NPLOC4: variants seen among roughly 807,000 people sequenced by gnomAD.
The protein encoded by NPLOC4 is NPL4 homolog, ubiquitin recognition factor.
Under a neutral mutation model 80.6 loss-of-function variants are expected in NPLOC4, and 18 were observed. The observed-to-expected ratio is 0.22, with a 90% CI of 0.15 to 0.33. NPLOC4 has a LOEUF of 0.33. Among genes scored for constraint, NPLOC4 ranks in the 10% least tolerant of loss-of-function variants. The pLI is 1.00. For missense variants in NPLOC4, 540 were observed against 786.1 expected, an observed-to-expected ratio of 0.69 and a Z score of 3.74; for synonymous variants, 313 against 301.5, an observed-to-expected ratio of 1.04 and a Z score of -0.39.
At chr17:81,620,535 A>G (rs1027204954) in intron 3 of NPLOC4, among the ~76,000 whole-genome samples, 1 of 152,096 alleles carries the variant, frequency 6.6e-6, no homozygotes, top group African/African-American at 2.4e-5. Flanking sequence ...ACCGGTGATT[A>G]CTGTTAGGGA....
intron 12 of NPLOC4, among the ~76,000 whole-genome samples, chr17:81,576,023 AAACAGAGCAGTTTGGTAAC>A (rs1237956816): frequency 6.6e-6 from 1 of 152,238 alleles, no homozygotes; most frequent in African/African-American, 2.4e-5. Context: ...GGGCTATAGC[AAACAGAGCAGTTTGGTAAC>A]AACAAAGGAA....
chr17:81,582,622 C>T (rs760167324), intron 12 of NPLOC4, among the ~76,000 whole-genome samples: 1 of 152,174 alleles, frequency 6.6e-6, no homozygotes, highest in Non-Finnish European at 1.5e-5. Flanking sequence ...AGACTGGCCT[C>T]GACTTCCTGA....
intron 14 of NPLOC4, among the ~76,000 whole-genome samples, chr17:81,568,483 C>A (rs1395659601): frequency 6.6e-6 from 1 of 152,196 alleles, no homozygotes. Context: ...TGTCTGTTAG[C>A]AAGTTATGAT....
intron 8 of NPLOC4, among the ~76,000 whole-genome samples, chr17:81,600,916 GC>G (rs1353587760): frequency 2.0e-5 from 3 of 152,204 alleles, no homozygotes; most frequent in Non-Finnish European, 4.4e-5. Context: ...TGGCTTCACA[GC>G]TAAGATACTC....
chr17:81,594,502 C>T (rs1273115862), intron 11 of NPLOC4, among the ~76,000 whole-genome samples: 2 of 151,896 alleles, frequency 1.3e-5, no homozygotes, highest in South Asian at 2.1e-4. Context: ...TTAGGCCAGG[C>T]GCAGTGGCTC....
intron 10 of NPLOC4, 21 bp downstream of exon 10, chr17:81,597,224 A>G: frequency 6.2e-7 from 1 of 1,604,772 alleles, no homozygotes; most frequent in Non-Finnish European, 8.5e-7. Context: ...GGCCACACGC[A>G]CAGTCCTGTC....
At chr17:81,621,052 A>G (rs961688678) in intron 3 of NPLOC4, among the ~76,000 whole-genome samples, 1 of 151,892 alleles carries the variant, frequency 6.6e-6, no homozygotes, top group Admixed American at 6.6e-5. Flanking sequence ...AAAGGAAAAG[A>G]AAGGAAGGAA....
chr17:81,629,951 T>A (rs1474933433), intron 1 of NPLOC4, 146 bp from the exon 2 acceptor site: 2 of 628,566 alleles, frequency 3.2e-6, no homozygotes, highest in African/African-American at 1.8e-5. Context: ...CCCAGCTCAA[T>A]CCTTCTAGAA....
At chr17:81,613,990 T>C (rs1260006489) in intron 3 of NPLOC4, among the ~76,000 whole-genome samples, 2 of 151,978 alleles carry the variant, frequency 1.3e-5, no homozygotes, top group Non-Finnish European at 2.9e-5. Flanking sequence ...TTAAAAAGTG[T>C]GACTGGCCAG....
chr17:81,569,953 A>G (rs2034117412), intron 13 of NPLOC4, among the ~76,000 whole-genome samples: 2 of 152,222 alleles, frequency 1.3e-5, no homozygotes, highest in South Asian at 2.1e-4. Context: ...CTGCAACACA[A>G]CAGCAGCAGC....
chr17:81,611,022 A>G (rs2035326644), intron 4 of NPLOC4, among the ~76,000 whole-genome samples: 1 of 152,132 alleles, frequency 6.6e-6, no homozygotes, highest in African/African-American at 2.4e-5. Context: ...CTCAAAGTCA[A>G]TGTAAGTAGT....
intron 11 of NPLOC4, among the ~76,000 whole-genome samples, chr17:81,593,138 T>A (rs185507330): frequency 6.6e-6 from 1 of 152,256 alleles, no homozygotes; most frequent in Admixed American, 6.5e-5. Flanking sequence ...CTTACAATGA[T>A]ATGAGATTAG....
Position 81,559,263 on chromosome 17 carries a change from G to A in NPLOC4, c.1823C>T (p.Thr608Ile). ...GHCEMCSLPR[T>I] ...AGCCAGCAGAGGGCAGGCGCCCTAG[G>A]TCCTGGGGAGGCTGCACATCTCGCA... is the stretch of plus-strand genomic sequence containing the variant. Residue 608 changes from threonine (T) to isoleucine (I), a missense_variant, in exon 17 of 17, where the codon ACC (threonine) becomes ATC (isoleucine). By Grantham distance (89) the Thr-to-Ile change is moderately conservative (BLOSUM62 -1). Coordinates refer to ENST00000331134, the MANE Select transcript of NPLOC4 (RefSeq NM_017921.4). 3 of 1,601,740 alleles carry A rather than the reference G, an allele frequency of 1.9e-6. No individual in the cohort carries two copies. The highest frequency in any genetic ancestry group is 2.6e-6 in the Non-Finnish European group (3 of 1,175,066).
chr17:81,624,478 AGTCCCAGCTAGTCG>A (rs2035745920), intron 2 of NPLOC4, among the ~76,000 whole-genome samples: 1 of 152,178 alleles, frequency 6.6e-6, no homozygotes, highest in Admixed American at 6.6e-5. Flanking sequence ...GCACGCCTAC[AGTCCCAGCTAGTCG>A]GTGGGCTGAG....
At chr17:81,571,867 T>C (rs1053254511) in intron 13 of NPLOC4, 150 bp downstream of exon 13, 5 of 452,522 alleles carry the variant, frequency 1.1e-5, no homozygotes, top group African/African-American at 8.0e-5. Flanking sequence ...TACAACCACC[T>C]CCTGGGTGCC....
At chr17:81,613,161 C>A (rs1291190909) in intron 4 of NPLOC4, 157 bp downstream of exon 4, 25 of 521,772 alleles carry the variant, frequency 4.8e-5, no homozygotes, top group South Asian at 3.8e-4. Flanking sequence ...AAAAAGCTAA[C>A]AAGATAACTT....
Position 81,559,225 on chromosome 17 carries a change from T to C in NPLOC4, c.*34A>G. 4 of 1,567,556 alleles carry C rather than the reference T, an allele frequency of 2.6e-6. No individual in the cohort carries two copies. Among genetic ancestry groups the C allele is most frequent in the South Asian group, 2.3e-5 (2 of 85,254 alleles). Reference sequence around the variant, plus strand: ...CTTCTGGCTTCAGGAAGGGCTGGGCTGGGCCCGGTCCTAGCCAGCAGAGGG... The same window carrying C: ...CTTCTGGCTTCAGGAAGGGCTGGGCCGGGCCCGGTCCTAGCCAGCAGAGGG... On this transcript the variant is annotated 3_prime_UTR_variant, in exon 17 of 17. Coordinates refer to ENST00000331134, the MANE Select transcript of NPLOC4 (RefSeq NM_017921.4).
intron 11 of NPLOC4, among the ~76,000 whole-genome samples, chr17:81,592,073 G>C (rs140917194): frequency 6.6e-5 from 10 of 152,276 alleles, no homozygotes; most frequent in African/African-American, 2.4e-4. Context: ...TGAGTACAAC[G>C]AAAGGGGAAA....
chr17:81,580,795 ATGAGAGAATGGATGCCG>A lies in NPLOC4; in HGVS notation c.1281+8132_1281+8148del, dbSNP rs1249613946. The stretch of plus-strand genomic sequence containing the variant: ...GGCAATTCACAGGTGTTCTCTAAAC[ATGAGAGAATGGATGCCG>A]TGAGAGCATCGCACAGTGAATCAGG... On this transcript the variant is annotated intron_variant, in intron 12 of 16. Coordinates refer to ENST00000331134, the MANE Select transcript of NPLOC4 (RefSeq NM_017921.4). The surrounding 1 kb of genome is among the most constrained non-coding windows in gnomAD (Gnocchi z 4.4). Among the ~76,000 whole-genome samples, 3 of 152,212 alleles carry A rather than the reference ATGAGAGAATGGATGCCG, an allele frequency of 2.0e-5. No homozygotes were observed. Among genetic ancestry groups the A allele is most frequent in the Non-Finnish European group, 4.4e-5 (3 of 68,032 alleles).
Sources: allele counts gnomAD v4.1 joint callset (sites outside exome capture counted in the v4.1 genomes callset), GRCh38; gene constraint gnomAD v4.1.1; non-coding constraint Gnocchi (gnomAD v3.1); transcripts MANE v1.5; gene names NCBI Gene and HGNC (gene_info 2026-07-23, HGNC 2026-07-21).